Variants in SCLT1 observed in about 807,000 individuals in gnomAD.
The protein encoded by SCLT1 is sodium channel-associated protein 1.
SCLT1 carries 78 observed loss-of-function variants against 112.8 expected under a neutral mutation model. The ratio of observed to expected loss-of-function variants is 0.69; its 90% CI spans 0.58 to 0.83. The LOEUF is 0.83. Among genes scored for constraint, SCLT1 ranks in the 40% least tolerant of loss-of-function variants. The pLI is 0.00. For synonymous variants in SCLT1, 257 were observed against 254.7 expected (o/e 1.01, Z -0.09); for missense variants, 747 against 770.4 (o/e 0.97, Z 0.36).
At position 128,993,788 on chromosome 4, in the gene SCLT1, C is replaced by T. The variant is rs534756517; in HGVS notation, c.616-1551G>A. Among the ~76,000 whole-genome samples, 5 of 151,820 alleles carry T rather than the reference C, an allele frequency of 3.3e-5. No homozygotes were observed. The South Asian group carries it at 1.0e-3, about 32-fold the overall frequency. On this transcript the variant is annotated intron_variant, in intron 8 of 20. Transcript: ENST00000281142. ...GATGCATTTTTGCAACTTAGAGAAC[C>T]TATACTTTCATGCAGGATAGTTAGT...
At chr4:128,902,577 T>C (rs1157060927) in intron 18 of SCLT1, among the ~76,000 whole-genome samples, 1 of 152,138 alleles carries the variant, frequency 6.6e-6, no homozygotes, top group Non-Finnish European at 1.5e-5. Flanking sequence ...GTACTTGCCA[T>C]AAATGGAGCC....
Position 128,992,189 on chromosome 4 carries a change from C to A in SCLT1, c.664G>T (p.Glu222Ter). 1 of 1,592,632 alleles carries A rather than the reference C, an allele frequency of 6.3e-7. No individual in the cohort carries two copies. The highest frequency in any genetic ancestry group is 8.6e-7 in the Non-Finnish European group (1 of 1,168,630). ...KTVTEQSVII[E>*]QLRKKLRQAK... Reference sequence around the variant, plus strand: ...TACCTAAGTTTTTTTCGGAGTTGTTCGATTATCACACTTTGTTCAGTTACT... The same window carrying A: ...TACCTAAGTTTTTTTCGGAGTTGTTAGATTATCACACTTTGTTCAGTTACT... The change falls in exon 9 of 21, where the codon GAA becomes TAA. Residue 222 changes from glutamate (E) to a stop codon, truncating the protein, a stop_gained. Coordinates refer to ENST00000281142, the MANE Select transcript of SCLT1 (RefSeq NM_144643.4). LOFTEE classifies it high-confidence loss of function.
intron 18 of SCLT1, among the ~76,000 whole-genome samples, chr4:128,916,069 T>C (rs1735448638): frequency 6.6e-6 from 1 of 152,250 alleles, no homozygotes; most frequent in Non-Finnish European, 1.5e-5. Flanking sequence ...CTTTTGTTTC[T>C]GGATCCATTT....
chr4:128,973,192 TTATAA>T (rs1740842425), intron 9 of SCLT1, among the ~76,000 whole-genome samples: 3 of 152,116 alleles, frequency 2.0e-5, no homozygotes, highest in African/African-American at 4.8e-5. Context: ...ATCTCAATAC[TTATAA>T]TATATAATAC....
chr4:128,899,329 A>C (rs1734067122), intron 18 of SCLT1, among the ~76,000 whole-genome samples: 1 of 152,208 alleles, frequency 6.6e-6, no homozygotes, highest in Admixed American at 6.5e-5. Flanking sequence ...ATCCACCATG[A>C]TCAAGTGGGC....
At chr4:128,926,130 T>C (rs1340446470) in intron 18 of SCLT1, among the ~76,000 whole-genome samples, 1 of 152,136 alleles carries the variant, frequency 6.6e-6, no homozygotes, top group African/African-American at 2.4e-5. Context: ...TTCCTGCTTT[T>C]GTTTATCTAT....
chr4:128,926,972 GA>G (rs1456626515), intron 18 of SCLT1, among the ~76,000 whole-genome samples: 5 of 151,188 alleles, frequency 3.3e-5, no homozygotes, highest in Non-Finnish European at 7.4e-5. Context: ...AAATATTGGG[GA>G]AAAAAGTAGA....
chr4:128,930,173 C>T (rs1357017239), intron 18 of SCLT1, among the ~76,000 whole-genome samples: 3 of 152,044 alleles, frequency 2.0e-5, no homozygotes, highest in African/African-American at 7.2e-5. Context: ...AGCATTACGT[C>T]TTTTTGCTTT....
At chr4:129,045,041 T>A (rs530809579) in intron 2 of SCLT1, among the ~76,000 whole-genome samples, 232 of 152,098 alleles carry the variant, frequency 1.5e-3, no homozygotes, top group Middle Eastern at 3.4e-3. Flanking sequence ...AATACTGCTA[T>A]CCAACAAATA....
intron 18 of SCLT1, among the ~76,000 whole-genome samples, chr4:128,913,425 G>A (rs200184541): frequency 8.5e-5 from 13 of 152,316 alleles, no homozygotes; most frequent in Non-Finnish European, 1.6e-4. Flanking sequence ...GATGATGGGG[G>A]AGGAGTTGCA....
intron 5 of SCLT1, among the ~76,000 whole-genome samples, chr4:129,023,793 G>T (rs1454880386): frequency 6.6e-6 from 1 of 152,212 alleles, no homozygotes; most frequent in African/African-American, 2.4e-5. Context: ...GTCAAAGAAA[G>T]GGGTGACAGA....
intron 5 of SCLT1, among the ~76,000 whole-genome samples, chr4:129,015,767 G>C (rs761446972): frequency 3.9e-5 from 6 of 151,938 alleles, no homozygotes; most frequent in Non-Finnish European, 8.8e-5. Flanking sequence ...CCATTCCCCC[G>C]GAGCCACCAG....
rs146449498 is a variant in SCLT1, at chr4:128,929,589, G to A, written c.1829+7066C>T. On this transcript the variant is annotated intron_variant, in intron 18 of 20. Transcript: ENST00000281142. ...TTCAAATCTTGTAGTTGTTTCAAAA[G>A]TGTCTTACAAAGGTATAATAAATAA... 7.2e-3 allele frequency among the ~76,000 whole-genome samples: 1,097 copies of A among 152,284 alleles called. 9 individuals carry two copies. Among genetic ancestry groups the A allele is most frequent in the African/African-American group, 0.025 (1,052 of 41,554 alleles).
At chr4:128,920,643 G>C (rs1268609327) in intron 18 of SCLT1, among the ~76,000 whole-genome samples, 1 of 152,126 alleles carries the variant, frequency 6.6e-6, no homozygotes, top group Non-Finnish European at 1.5e-5. Context: ...CAACAAACTA[G>C]GCATTGAATG....
rs548567625 is a variant in SCLT1 at position 128,950,636 on chromosome 4, C to T, written c.1219-2066G>A. Among the ~76,000 whole-genome samples, 20 of 151,986 alleles carry T rather than the reference C, an allele frequency of 1.3e-4. No homozygotes were observed. In the East Asian group the frequency reaches 1.7e-3, roughly 13 times the overall value. On this transcript the variant is annotated intron_variant, in intron 14 of 20. Coordinates refer to ENST00000281142, the MANE Select transcript of SCLT1 (RefSeq NM_144643.4). The stretch of plus-strand genomic sequence containing the variant: ...AAGAAGTCTCAATACATATTAAGAA[C>T]CAACCATATAGACCATGATCTGTGC...
At position 129,049,900 on chromosome 4, in the gene SCLT1, C is replaced by G. The variant is rs150864224; in HGVS notation, c.103-5849G>C. 5.8e-3 allele frequency among the ~76,000 whole-genome samples: 883 copies of G among 152,176 alleles called. 17 individuals are homozygous for G. The highest frequency in any genetic ancestry group is 0.049 in the Admixed American group (745 of 15,280). On this transcript the variant is annotated intron_variant, in intron 2 of 20. Coordinates refer to ENST00000281142, the MANE Select transcript of SCLT1 (RefSeq NM_144643.4). ...GCTCTCCTTCCCCTTACATGCCACC[C>G]ACAGACAGGCCCTGGTGTGTGATGT...
chr4:128,938,983 A>T (rs1579437442), intron 17 of SCLT1, among the ~76,000 whole-genome samples: 1 of 152,320 alleles, frequency 6.6e-6, no homozygotes, highest in East Asian at 1.9e-4. Context: ...CAAACAAACA[A>T]CAAAAACAAC....
downstream of SCLT1, among the ~76,000 whole-genome samples, chr4:128,882,283 G>C (rs566237753): frequency 1.3e-5 from 2 of 152,060 alleles, no homozygotes; most frequent in African/African-American, 4.8e-5. Context: ...ACCTGGGAAG[G>C]AATTTAAAGA....
At chr4:129,039,635 T>C (rs1252403933) in intron 4 of SCLT1, 1 of 157,250 alleles carries the variant, frequency 6.4e-6, no homozygotes, top group Non-Finnish European at 1.4e-5. Flanking sequence ...GGCGCTAAGG[T>C]AAACAGACAT....
Sources: allele counts gnomAD v4.1 joint callset (sites outside exome capture counted in the v4.1 genomes callset), GRCh38; gene constraint gnomAD v4.1.1; transcripts MANE v1.5; gene names NCBI Gene and HGNC (gene_info 2026-07-23, HGNC 2026-07-21).